The following ZNF385D variants were observed in gnomAD, a reference collection of about 807,000 sequenced individuals.
ZNF385D encodes zinc finger protein 385D.
A neutral mutation model predicts 35.8 loss-of-function variants in ZNF385D; 15 were observed. That is an observed-to-expected ratio of 0.42 (90% confidence interval 0.28 to 0.64). The LOEUF (loss-of-function observed/expected upper bound fraction) is 0.64, where lower values mean the gene tolerates loss of function less well. Ranked by LOEUF, ZNF385D falls within the 30% of genes least tolerant of loss-of-function variation. The probability of loss-of-function intolerance (pLI) is 0.23; values close to 1 mark genes in which losing one functional copy is unlikely to be tolerated. For synonymous variants in ZNF385D, 212 were observed against 186.8 expected, an observed-to-expected ratio of 1.13 and a Z score of -1.10; for missense variants, 474 against 494.6, an observed-to-expected ratio of 0.96 and a Z score of 0.39.
chr3:21,575,228 A>T (rs1417432761), intron 2 of ZNF385D, among the ~76,000 whole-genome samples: 1 of 152,194 alleles, frequency 6.6e-6, no homozygotes, highest in East Asian at 1.9e-4. Context: ...ACAAAATTTA[A>T]CAGGAGTATC....
chr3:21,746,450 T>C (rs866389129), intron 1 of ZNF385D, among the ~76,000 whole-genome samples: 4 of 152,240 alleles, frequency 2.6e-5, no homozygotes, highest in Non-Finnish European at 5.9e-5. Flanking sequence ...GAAATCTTTA[T>C]GGCTTTTAAA....
intron 2 of ZNF385D, among the ~76,000 whole-genome samples, chr3:21,640,680 T>C (rs183155315): frequency 6.6e-6 from 1 of 152,280 alleles, no homozygotes; most frequent in East Asian, 1.9e-4. Context: ...CTTAGGCTTT[T>C]AAGCCTCCAG....
intron 3 of ZNF385D, among the ~76,000 whole-genome samples, chr3:21,975,337 G>C (rs1000520341): frequency 6.6e-6 from 1 of 152,054 alleles, no homozygotes; most frequent in African/African-American, 2.4e-5. Flanking sequence ...CTCACTTATT[G>C]GTGGGAGCTA....
intron 3 of ZNF385D, among the ~76,000 whole-genome samples, chr3:22,024,471 T>C (rs1405126852): frequency 6.6e-6 from 1 of 152,022 alleles, no homozygotes; most frequent in Non-Finnish European, 1.5e-5. Context: ...GGCTGCTTGA[T>C]ATGATTAGAC....
Position 21,930,152 on chromosome 3 carries a change from A to G in ZNF385D, c.325+238665T>C, listed in dbSNP as rs1273902304. 2.0e-5 allele frequency among the ~76,000 whole-genome samples: 3 copies of G among 152,084 alleles called. No homozygotes were observed. The South Asian group carries it at 6.2e-4, about 32-fold the overall frequency. On this transcript the variant is annotated intron_variant, in intron 3 of 5. Coordinates refer to the ZNF385D transcript ENST00000494108. ...AAAAATAAACCCATACTTTATGACAATTAGTTTTCAACAGGAATGCCAAGA... is the reference window on the plus strand; with the variant it reads ...AAAAATAAACCCATACTTTATGACAGTTAGTTTTCAACAGGAATGCCAAGA...
intron 3 of ZNF385D, among the ~76,000 whole-genome samples, chr3:21,804,452 T>G (rs1034292380): frequency 6.6e-6 from 1 of 152,172 alleles, no homozygotes. Context: ...AGGAAGTGCC[T>G]TGACTTCTCC....
At chr3:22,063,874 G>C (rs1477722866) in intron 3 of ZNF385D, among the ~76,000 whole-genome samples, 2 of 152,174 alleles carry the variant, frequency 1.3e-5, no homozygotes, top group Non-Finnish European at 2.9e-5. Flanking sequence ...TTACGGGCTG[G>C]CTGAGGCCTT....
At chr3:21,761,474 G>T (rs2070604953) in intron 3 of ZNF385D, among the ~76,000 whole-genome samples, 1 of 152,216 alleles carries the variant, frequency 6.6e-6, no homozygotes, top group Admixed American at 6.5e-5. Flanking sequence ...AGCTAAGACA[G>T]ATATAGGATC....
intron 3 of ZNF385D, among the ~76,000 whole-genome samples, chr3:21,975,342 G>C (rs1183703227): frequency 6.6e-6 from 1 of 152,060 alleles, no homozygotes; most frequent in Non-Finnish European, 1.5e-5. Context: ...TTATTGGTGG[G>C]AGCTAAAAAT....
At chr3:21,550,542 G>A (rs1022570960) in intron 3 of ZNF385D, among the ~76,000 whole-genome samples, 2 of 152,156 alleles carry the variant, frequency 1.3e-5, no homozygotes, top group African/African-American at 4.8e-5. Context: ...GAGTGCAGTG[G>A]TGTGATCTTG....
intron 1 of ZNF385D, among the ~76,000 whole-genome samples, chr3:21,712,346 A>T (rs1263813390): frequency 6.6e-6 from 1 of 152,128 alleles, no homozygotes; most frequent in Non-Finnish European, 1.5e-5. Flanking sequence ...TGCATTCCTT[A>T]TTCTCCAGTG....
intron 3 of ZNF385D, among the ~76,000 whole-genome samples, chr3:22,113,690 T>C (rs927302269): frequency 1.3e-5 from 2 of 152,024 alleles, no homozygotes; most frequent in Non-Finnish European, 2.9e-5. Flanking sequence ...GGATGAGGTA[T>C]TGACCAAATA....
At chr3:21,640,959 T>C (rs73138820) in intron 2 of ZNF385D, among the ~76,000 whole-genome samples, 322 of 152,218 alleles carry the variant, frequency 2.1e-3, no homozygotes, top group African/African-American at 6.4e-3. Flanking sequence ...CAGAGGTATA[T>C]GAAGGAGTGG....
intron 2 of ZNF385D, among the ~76,000 whole-genome samples, chr3:21,618,527 T>A (rs953370232): frequency 6.6e-6 from 1 of 152,164 alleles, no homozygotes; most frequent in Non-Finnish European, 1.5e-5. Flanking sequence ...AAAATTCATA[T>A]AGTGCCCTAT....
chr3:21,989,800 T>G (rs1695048027), intron 3 of ZNF385D, among the ~76,000 whole-genome samples: 1 of 152,220 alleles, frequency 6.6e-6, no homozygotes, highest in Non-Finnish European at 1.5e-5. Context: ...ATTATATTCT[T>G]GATAACTTAC....
At chr3:21,659,021 T>G (rs928697836) in intron 2 of ZNF385D, among the ~76,000 whole-genome samples, 1 of 152,002 alleles carries the variant, frequency 6.6e-6, no homozygotes, top group Non-Finnish European at 1.5e-5. Context: ...TAACCATTCT[T>G]CCTCCTCCTT....
At chr3:22,308,459 AAGAG>A (rs1703355799) in intron 2 of ZNF385D, among the ~76,000 whole-genome samples, 1 of 152,056 alleles carries the variant, frequency 6.6e-6, no homozygotes, top group Non-Finnish European at 1.5e-5. Context: ...GAGAAAGTGA[AAGAG>A]AGAAAGACAG....
At chr3:21,945,227 C>G (rs1209396750) in intron 3 of ZNF385D, among the ~76,000 whole-genome samples, 3 of 151,192 alleles carry the variant, frequency 2.0e-5, no homozygotes, top group Admixed American at 6.6e-5. Context: ...GAGAAAGAGA[C>G]AGAGAGAGGA....
chr3:22,201,345 G>A (rs1329792236), intron 2 of ZNF385D, among the ~76,000 whole-genome samples: 1 of 151,964 alleles, frequency 6.6e-6, no homozygotes, highest in Non-Finnish European at 1.5e-5. Context: ...TCTAAACACT[G>A]TTTTCCACTT....
Sources: allele counts gnomAD v4.1 joint callset (sites outside exome capture counted in the v4.1 genomes callset), GRCh38; gene constraint gnomAD v4.1.1; transcripts MANE v1.5; gene names NCBI Gene and HGNC (gene_info 2026-07-23, HGNC 2026-07-21).